DOCK8: variants seen among roughly 807,000 people sequenced by gnomAD.
DOCK8 encodes the protein dedicator of cytokinesis protein 8.
A neutral mutation model predicts 245.6 loss-of-function variants in DOCK8; 141 were observed. The observed-to-expected ratio is 0.57, with a 90% confidence interval of 0.50 to 0.66. The LOEUF (loss-of-function observed/expected upper bound fraction) is 0.66, where lower values mean the gene tolerates loss of function less well. DOCK8 is among the 30% of genes least tolerant of loss of function. DOCK8 has a pLI of 0.00. For missense variants in DOCK8, 2,965 were observed against 2,603.4 expected, an observed-to-expected ratio of 1.14 and a Z score of -3.02; for synonymous variants, 1,168 against 970.2, an observed-to-expected ratio of 1.20 and a Z score of -3.79.
At chr9:226,171 T>G (rs1010855578) in intron 1 of DOCK8, among the ~76,000 whole-genome samples, 1 of 151,960 alleles carries the variant, frequency 6.6e-6, no homozygotes, top group Non-Finnish European at 1.5e-5. Flanking sequence ...TGGCAGAAGG[T>G]GAATGAGGAG....
chr9:267,838 A>G (rs1474084033), intron 1 of DOCK8: 2 of 152,190 alleles, frequency 1.3e-5, no homozygotes, highest in South Asian at 2.1e-4. Context: ...ATTTGCTATC[A>G]TGCTATCATA....
intron 30 of DOCK8, 66 bp from the exon 31 acceptor site, chr9:420,335 A>C: frequency 6.4e-7 from 1 of 1,571,544 alleles, no homozygotes; most frequent in South Asian, 1.1e-5. Context: ...TTGACTGTTA[A>C]GCCTCAAATT....
rs1238417655 is a variant in DOCK8 at position 400,069 on chromosome 9, A to T, written c.3234+810A>T. Among the ~76,000 whole-genome samples, 18 of 77,020 alleles carry T rather than the reference A, an allele frequency of 2.3e-4. 2 individuals carry two copies. Among genetic ancestry groups the T allele is most frequent in the South Asian group, 7.9e-4 (2 of 2,526 alleles). The allele number at this position is 77,020 out of a possible 152,430, so 50.5% of individuals were successfully genotyped here. On this transcript the variant is annotated intron_variant, in intron 26 of 47. Coordinates refer to ENST00000432829, the MANE Select transcript of DOCK8 (RefSeq NM_203447.4). ...CTCCACCATCACCACCTCCTTCACC[A>T]TCACCATCACCACCACCTCCACCAT...
At chr9:446,168 C>G (rs1448169874) in intron 43 of DOCK8, among the ~76,000 whole-genome samples, 5 of 152,236 alleles carry the variant, frequency 3.3e-5, no homozygotes, top group Non-Finnish European at 7.3e-5. Context: ...GCACATTCCC[C>G]TCTCCCTCCT....
intron 14 of DOCK8, among the ~76,000 whole-genome samples, chr9:346,840 AT>A (rs2051913627): frequency 6.7e-6 from 1 of 148,264 alleles, no homozygotes; most frequent in African/African-American, 2.7e-5. Context: ...GCGAGTTATG[AT>A]TTAGTGACTA....
intron 14 of DOCK8, among the ~76,000 whole-genome samples, chr9:356,654 C>G (rs1309530615): frequency 6.6e-6 from 1 of 152,040 alleles, no homozygotes; most frequent in Non-Finnish European, 1.5e-5. Flanking sequence ...TCAGTGATTA[C>G]CCTATCCTCT....
At chr9:398,580 A>G (rs1188408774) in intron 25 of DOCK8, among the ~76,000 whole-genome samples, 2 of 152,222 alleles carry the variant, frequency 1.3e-5, no homozygotes, top group Non-Finnish European at 2.9e-5. Flanking sequence ...TAGCTTATTA[A>G]TTGGGATTCA....
intron 4 of DOCK8, among the ~76,000 whole-genome samples, chr9:293,959 C>T (rs764597959): frequency 6.6e-6 from 1 of 152,240 alleles, no homozygotes; most frequent in Non-Finnish European, 1.5e-5. Context: ...CTACCCTTCC[C>T]TTAACTCACT....
At chr9:308,535 TATG>T (rs565021510) in intron 5 of DOCK8, among the ~76,000 whole-genome samples, 18 of 152,356 alleles carry the variant, frequency 1.2e-4, no homozygotes, top group Admixed American at 2.6e-4. Context: ...TAAACAAGTA[TATG>T]ATAAGATTCC....
intron 18 of DOCK8, 131 bp from the exon 19 acceptor site, chr9:376,079 T>A: frequency 1.3e-6 from 1 of 742,806 alleles, no homozygotes; most frequent in South Asian, 1.5e-5. Context: ...CCAAGAACAG[T>A]TAGATTAGTT....
chr9:232,460 C>T (rs998899291), intron 1 of DOCK8, among the ~76,000 whole-genome samples: 3 of 152,150 alleles, frequency 2.0e-5, no homozygotes, highest in Non-Finnish European at 4.4e-5. Flanking sequence ...GGAATAATTT[C>T]AGAAGGAATG....
At chr9:403,919 T>TAGTTTAAAAA (rs2055257202) in intron 26 of DOCK8, among the ~76,000 whole-genome samples, 1 of 75,254 alleles carries the variant, frequency 1.3e-5, no homozygotes, top group Non-Finnish European at 2.2e-5. Context: ...TATATATACA[T>TAGTTTAAAAA]ATATATATAT....
chr9:443,378 T>A, intron 42 of DOCK8, 49 bp from the exon 43 acceptor site: 7 of 1,534,690 alleles, frequency 4.6e-6, no homozygotes, highest in Non-Finnish European at 6.3e-6. Flanking sequence ...GACAAAGAGT[T>A]GCATTATGTT....
intron 1 of DOCK8, chr9:215,400 C>G (rs2046725800): frequency 1.9e-6 from 3 of 1,547,368 alleles, no homozygotes; most frequent in East Asian, 2.5e-5. Context: ...GTCTCATAAA[C>G]GGCTCCTTCC....
intron 28 of DOCK8, 133 bp downstream of exon 28, chr9:407,202 C>T (rs1488736124): frequency 1.7e-5 from 23 of 1,376,018 alleles, no homozygotes; most frequent in Non-Finnish European, 2.2e-5. Flanking sequence ...GTAGAAACAT[C>T]TGTCTTGAGA....
chr9:371,620 T>A, intron 17 of DOCK8, 54 bp downstream of exon 17: 1 of 1,611,458 alleles, frequency 6.2e-7, no homozygotes, highest in Admixed American at 1.7e-5. Flanking sequence ...GCATCTGAGG[T>A]CCCTGCAGAG....
At chr9:264,223 A>G (rs1034821983) in intron 1 of DOCK8, among the ~76,000 whole-genome samples, 1 of 152,252 alleles carries the variant, frequency 6.6e-6, no homozygotes, top group Non-Finnish European at 1.5e-5. Context: ...ATGATGACAT[A>G]TAAAAGCTGG....
chr9:439,775 T>G (rs762553860), intron 40 of DOCK8, among the ~76,000 whole-genome samples: 1 of 151,758 alleles, frequency 6.6e-6, no homozygotes, highest in African/African-American at 2.4e-5. Flanking sequence ...GAGAAAAAAA[T>G]TAGGGAGGAA....
chr9:402,779 A>G (rs908799517), intron 26 of DOCK8, among the ~76,000 whole-genome samples: 1 of 152,254 alleles, frequency 6.6e-6, no homozygotes, highest in Non-Finnish European at 1.5e-5. Flanking sequence ...GCCACTAAGC[A>G]AACACCCATC....
Sources: gnomAD v4.1 joint callset for allele counts (sites outside exome capture counted in the v4.1 genomes callset) on GRCh38, gnomAD v4.1.1 for gene constraint, MANE v1.5 for transcripts, NCBI Gene and HGNC (gene_info 2026-07-23, HGNC 2026-07-21) for gene names.